Variants in NKAIN2 observed in about 807,000 individuals in gnomAD.
NKAIN2 encodes the protein sodium/potassium transporting ATPase interacting 2.
In NKAIN2, 14 loss-of-function variants were observed where a neutral mutation model predicts 32.6. The ratio of observed to expected loss-of-function variants is 0.43; its 90% CI spans 0.28 to 0.67. The LOEUF is 0.67. NKAIN2 is among the 30% of genes least tolerant of loss of function. NKAIN2 has a pLI of 0.17. For synonymous variants in NKAIN2, 80 were observed against 87.2 expected (o/e 0.92, Z 0.46); for missense variants, 198 against 258.3 (o/e 0.77, Z 1.60).
At chr6:124,688,691 TTCTG>T (rs1423568431) in intron 4 of NKAIN2, among the ~76,000 whole-genome samples, 6 of 152,138 alleles carry the variant, frequency 3.9e-5, no homozygotes, top group Admixed American at 3.9e-4. Flanking sequence ...GTCTCTATAC[TTCTG>T]TCTTTTCCAG....
chr6:124,040,469 T>G (rs1582516225), intron 1 of NKAIN2, among the ~76,000 whole-genome samples: 1 of 152,126 alleles, frequency 6.6e-6, no homozygotes. Context: ...GTTTTTAGAT[T>G]GTAGTATTCT....
intron 3 of NKAIN2, among the ~76,000 whole-genome samples, chr6:124,650,736 A>C (rs766308236): frequency 1.2e-4 from 19 of 152,056 alleles, no homozygotes; most frequent in Non-Finnish European, 2.8e-4. Flanking sequence ...CTGGGTATTA[A>C]ATTCACATGC....
intron 2 of NKAIN2, among the ~76,000 whole-genome samples, chr6:124,298,095 G>T (rs1796136953): frequency 6.6e-6 from 1 of 152,036 alleles, no homozygotes; most frequent in Non-Finnish European, 1.5e-5. Flanking sequence ...ATTTCAACAT[G>T]ATCCTTGGCC....
intron 1 of NKAIN2, among the ~76,000 whole-genome samples, chr6:124,266,168 C>T (rs1222140077): frequency 1.3e-5 from 2 of 152,092 alleles, no homozygotes; most frequent in Non-Finnish European, 2.9e-5. Flanking sequence ...TATAAAGAAG[C>T]ATTCTAAGAA....
rs13198765 is a variant in NKAIN2 at position 124,707,550 on chromosome 6, C to A, written c.474+49164C>A. On this transcript the variant is annotated intron_variant, in intron 4 of 6. Transcript: ENST00000368417. ...TTGCCATTTTAACTGGTGTGAGATGCTATCTCATTGTGGTTTTGATTTGCA... is the reference window on the plus strand; with the variant it reads ...TTGCCATTTTAACTGGTGTGAGATGATATCTCATTGTGGTTTTGATTTGCA... Among the ~76,000 whole-genome samples, 12 of 109,364 alleles carry A rather than the reference C, an allele frequency of 1.1e-4. 1 individual carries two copies. The highest frequency in any genetic ancestry group is 3.8e-4 in the African/African-American group (10 of 26,376). 71.7% of individuals were successfully genotyped at this position (109,364 alleles called of 152,430 possible).
chr6:124,411,180 C>T (rs1384690846), intron 3 of NKAIN2, among the ~76,000 whole-genome samples: 1 of 152,122 alleles, frequency 6.6e-6, no homozygotes, highest in Non-Finnish European at 1.5e-5. Flanking sequence ...AGCCCATTTA[C>T]ATTTAAGATT....
At chr6:124,065,437 T>C (rs1375218933) in intron 1 of NKAIN2, among the ~76,000 whole-genome samples, 1 of 152,156 alleles carries the variant, frequency 6.6e-6, no homozygotes, top group Non-Finnish European at 1.5e-5. Context: ...TATTAGATGG[T>C]GGTGCCTTCA....
intron 3 of NKAIN2, among the ~76,000 whole-genome samples, chr6:124,601,915 T>C (rs1035314645): frequency 6.6e-6 from 1 of 151,922 alleles, no homozygotes; most frequent in African/African-American, 2.4e-5. Flanking sequence ...GTAACTTAGG[T>C]CCAACCATTT....
intron 5 of NKAIN2, among the ~76,000 whole-genome samples, chr6:124,808,434 C>T (rs181759398): frequency 1.4e-4 from 22 of 152,236 alleles, no homozygotes; most frequent in East Asian, 1.2e-3. Flanking sequence ...AATTCAACAA[C>T]GCTTCATGCT....
chr6:124,517,546 G>A (rs916271408), intron 3 of NKAIN2, among the ~76,000 whole-genome samples: 11 of 152,124 alleles, frequency 7.2e-5, no homozygotes, highest in Non-Finnish European at 1.5e-4. Flanking sequence ...CAGACCCTTC[G>A]AGGCAAGGCA....
chr6:123,970,333 A>AAG (rs1157860741), intron 1 of NKAIN2, among the ~76,000 whole-genome samples: 24 of 152,196 alleles, frequency 1.6e-4, no homozygotes, highest in African/African-American at 5.5e-4. Flanking sequence ...AAGAAATAGT[A>AAG]AGAGTTTAAA....
At chr6:124,244,789 TA>T in intron 1 of NKAIN2, among the ~76,000 whole-genome samples, 1 of 152,068 alleles carries the variant, frequency 6.6e-6, no homozygotes, top group Non-Finnish European at 1.5e-5. Flanking sequence ...AATAAATAAA[TA>T]AATACCTTGT....
At chr6:124,143,967 C>T (rs774899806) in intron 1 of NKAIN2, among the ~76,000 whole-genome samples, 7 of 152,068 alleles carry the variant, frequency 4.6e-5, no homozygotes, top group African/African-American at 1.4e-4. Flanking sequence ...CTTCACAAAG[C>T]GTACAGTGTC....
At chr6:124,485,326 C>T (rs189083710) in intron 3 of NKAIN2, among the ~76,000 whole-genome samples, 38 of 152,228 alleles carry the variant, frequency 2.5e-4, no homozygotes, top group African/African-American at 8.9e-4. Context: ...CACTGCCCTA[C>T]ATCACACTCC....
At chr6:123,872,329 A>G (rs1294526740) in intron 1 of NKAIN2, among the ~76,000 whole-genome samples, 1 of 152,210 alleles carries the variant, frequency 6.6e-6, no homozygotes, top group African/African-American at 2.4e-5. Flanking sequence ...GACAGTGCAG[A>G]ACACACCTTA....
intron 4 of NKAIN2, among the ~76,000 whole-genome samples, chr6:124,760,216 CA>C (rs914596087): frequency 1.3e-5 from 2 of 151,880 alleles, no homozygotes; most frequent in African/African-American, 4.8e-5. Flanking sequence ...CTCATGGATA[CA>C]AAGAAGGGAA....
At chr6:124,422,208 T>C (rs1774786404) in intron 3 of NKAIN2, among the ~76,000 whole-genome samples, 2 of 152,266 alleles carry the variant, frequency 1.3e-5, no homozygotes, top group South Asian at 2.1e-4. Context: ...CTCATTTCAA[T>C]TGAACTTTTT....
At chr6:123,818,857 C>CTATTTTTTTTGTAG (rs1288964255) in intron 1 of NKAIN2, among the ~76,000 whole-genome samples, 1 of 151,982 alleles carries the variant, frequency 6.6e-6, no homozygotes, top group Admixed American at 6.6e-5. Context: ...GTAATAGAGG[C>CTATTTTTTTTGTAG]AAAACAAACA....
chr6:124,549,744 T>A (rs1422726295), intron 3 of NKAIN2, among the ~76,000 whole-genome samples: 1 of 152,156 alleles, frequency 6.6e-6, no homozygotes, highest in East Asian at 1.9e-4. Flanking sequence ...GCTCCTTGGA[T>A]TGGGTTAGTC....
Sources: gnomAD v4.1 joint callset for allele counts (sites outside exome capture counted in the v4.1 genomes callset) on GRCh38, gnomAD v4.1.1 for gene constraint, MANE v1.5 for transcripts, NCBI Gene and HGNC (gene_info 2026-07-23, HGNC 2026-07-21) for gene names.